Variants in CNTN3 observed in about 807,000 individuals in gnomAD.
CNTN3 encodes the protein contactin-3.
CNTN3 carries 60 observed loss-of-function variants against 119.1 expected under a neutral mutation model. The ratio of observed to expected loss-of-function variants is 0.50; its 90% CI spans 0.41 to 0.62. The LOEUF (loss-of-function observed/expected upper bound fraction) is 0.62, where lower values mean the gene tolerates loss of function less well. Ranked by LOEUF, CNTN3 falls within the 20% of genes least tolerant of loss-of-function variation. The pLI, the probability that CNTN3 is intolerant of heterozygous loss-of-function variation, is 0.00. For synonymous variants in CNTN3, 450 were observed against 438.7 expected, an observed-to-expected ratio of 1.03 and a Z score of -0.32; for missense variants, 1,101 against 1,242.4, an observed-to-expected ratio of 0.89 and a Z score of 1.71.
At chr3:74,278,678 G>C (rs529208947) in intron 20 of CNTN3, among the ~76,000 whole-genome samples, 36 of 151,992 alleles carry the variant, frequency 2.4e-4, no homozygotes, top group Non-Finnish European at 4.4e-4. Context: ...TTGGAAAAAC[G>C]CTTCTCAACA....
intron 4 of CNTN3, among the ~76,000 whole-genome samples, chr3:74,443,811 G>A (rs560232135): frequency 1.3e-5 from 2 of 152,202 alleles, no homozygotes; most frequent in African/African-American, 4.8e-5. Flanking sequence ...ATGAGGACAA[G>A]AAACTCTTGG....
intron 2 of CNTN3, 64 bp from the exon 3 acceptor site, chr3:74,499,849 C>T: frequency 2.7e-6 from 4 of 1,485,200 alleles, no homozygotes; most frequent in East Asian, 2.3e-5. Context: ...AAGTTACATT[C>T]CAGTATTGAA....
At chr3:74,336,703 T>A (rs1703404022) in intron 11 of CNTN3, 45 bp from the exon 12 acceptor site, 1 of 1,476,824 alleles carries the variant, frequency 6.8e-7, no homozygotes, top group African/African-American at 1.4e-5. Context: ...AATAGCCATT[T>A]TTTTTCCAAA....
chr3:74,387,054 G>A (rs529258405), intron 5 of CNTN3, among the ~76,000 whole-genome samples: 1 of 152,310 alleles, frequency 6.6e-6, no homozygotes, highest in Admixed American at 6.5e-5. Context: ...AGCGATGCAA[G>A]CAGGTGTCAA....
intron 4 of CNTN3, among the ~76,000 whole-genome samples, chr3:74,485,577 T>A (rs1702838280): frequency 6.6e-6 from 1 of 152,020 alleles, no homozygotes; most frequent in Non-Finnish European, 1.5e-5. Flanking sequence ...ATAAAAAGTT[T>A]ATGGGGAAAA....
At chr3:74,565,599 G>C (rs1458962042) in intron 1 of CNTN3, among the ~76,000 whole-genome samples, 2 of 152,058 alleles carry the variant, frequency 1.3e-5, no homozygotes, top group African/African-American at 4.8e-5. Flanking sequence ...ACCTACCCCA[G>C]AATGGAACCC....
At chr3:74,358,941 C>A (rs1215516758) in intron 11 of CNTN3, among the ~76,000 whole-genome samples, 4 of 151,912 alleles carry the variant, frequency 2.6e-5, no homozygotes, top group African/African-American at 9.7e-5. Flanking sequence ...GACATGAACT[C>A]ATCATTTTTT....
intron 4 of CNTN3, among the ~76,000 whole-genome samples, chr3:74,480,305 C>T (rs957267974): frequency 1.3e-5 from 2 of 152,064 alleles, no homozygotes; most frequent in East Asian, 3.9e-4. Flanking sequence ...CCAGTTGTGG[C>T]ACATTCAGTG....
intron 1 of CNTN3, among the ~76,000 whole-genome samples, chr3:74,586,137 C>G (rs1174665189): frequency 6.6e-6 from 1 of 152,086 alleles, no homozygotes; most frequent in Non-Finnish European, 1.5e-5. Flanking sequence ...TGGCACAGGA[C>G]AAGACAGCAA....
chr3:74,567,618 G>A (rs1282207295), intron 1 of CNTN3, among the ~76,000 whole-genome samples: 2 of 152,034 alleles, frequency 1.3e-5, no homozygotes, highest in Non-Finnish European at 2.9e-5. Context: ...GGAGCAGGGG[G>A]CACTTGCATA....
chr3:74,491,103 A>G (rs1702954548), intron 3 of CNTN3, among the ~76,000 whole-genome samples: 1 of 152,178 alleles, frequency 6.6e-6, no homozygotes, highest in Non-Finnish European at 1.5e-5. Flanking sequence ...AGATATTAAT[A>G]TTTTATCCTG....
At chr3:74,398,094 T>A (rs1442497374) in intron 5 of CNTN3, among the ~76,000 whole-genome samples, 1 of 152,224 alleles carries the variant, frequency 6.6e-6, no homozygotes, top group East Asian at 1.9e-4. Flanking sequence ...CAAAAGGATT[T>A]AGAATATTAA....
intron 13 of CNTN3, among the ~76,000 whole-genome samples, chr3:74,312,434 T>TGACA (rs1181693838): frequency 8.7e-6 from 1 of 115,034 alleles, no homozygotes; most frequent in Non-Finnish European, 1.6e-5. Flanking sequence ...CCAGCCTGGG[T>TGACA]GACAGAGTGA....
At chr3:74,409,432 C>T (rs1431737965) in intron 5 of CNTN3, among the ~76,000 whole-genome samples, 3 of 151,154 alleles carry the variant, frequency 2.0e-5, no homozygotes, top group African/African-American at 4.9e-5. Flanking sequence ...GCTCTCTGAA[C>T]CTCTTCCAGT....
chr3:74,557,057 A>G (rs1407367843), intron 1 of CNTN3, among the ~76,000 whole-genome samples: 2 of 152,140 alleles, frequency 1.3e-5, no homozygotes, highest in East Asian at 3.9e-4. Flanking sequence ...TACATAATTT[A>G]TAAATATTTC....
At chr3:74,512,495 T>G (rs138700280) in intron 2 of CNTN3, among the ~76,000 whole-genome samples, 1 of 152,094 alleles carries the variant, frequency 6.6e-6, no homozygotes, top group Non-Finnish European at 1.5e-5. Flanking sequence ...ATTTACTTTC[T>G]ACCCCTTCTT....
At position 74,491,549 on chromosome 3, in the gene CNTN3, C is replaced by T. The variant is rs1247852898; in HGVS notation, c.183-4918G>A. 2.0e-5 allele frequency among the ~76,000 whole-genome samples: 3 copies of T among 151,978 alleles called. No homozygotes were observed. The South Asian group carries it at 6.2e-4, about 32-fold the overall frequency. On this transcript the variant is annotated intron_variant, in intron 3 of 22. Transcript: ENST00000263665. ...CAAACAAAAAAAACTTGAAGGGATACGCAGGTTCAGCTCCTTCTTTTACAA... is the reference window on the plus strand; with the variant it reads ...CAAACAAAAAAAACTTGAAGGGATATGCAGGTTCAGCTCCTTCTTTTACAA...
chr3:74,508,500 G>A (rs755193069), intron 2 of CNTN3, among the ~76,000 whole-genome samples: 16 of 152,092 alleles, frequency 1.1e-4, no homozygotes, highest in Non-Finnish European at 2.1e-4. Context: ...ATTTTTAATT[G>A]ATTCACAATT....
In CNTN3 at chr3:74,428,308, C is replaced by T. The variant is rs544048487; in HGVS notation, c.359-3368G>A. Among the ~76,000 whole-genome samples the T allele has an allele frequency of 3.3e-5, 5 of 151,474 alleles. No homozygotes were observed. The South Asian group carries it at 8.4e-4, about 25-fold the overall frequency. On this transcript the variant is annotated intron_variant, in intron 4 of 22. Transcript: ENST00000263665. Reference sequence around the variant, plus strand: ...AACCATAAAACAGCCTGAGGTAGGTCCTTCAGGAGTTTTTCAGAAGGAGGC... The same window carrying T: ...AACCATAAAACAGCCTGAGGTAGGTTCTTCAGGAGTTTTTCAGAAGGAGGC...
Sources: gnomAD v4.1 joint callset for allele counts (sites outside exome capture counted in the v4.1 genomes callset) on GRCh38, gnomAD v4.1.1 for gene constraint, MANE v1.5 for transcripts, NCBI Gene and HGNC (gene_info 2026-07-23, HGNC 2026-07-21) for gene names.